The following HCN1 variants were observed in gnomAD, a reference collection of about 807,000 sequenced individuals.
HCN1 encodes potassium/sodium hyperpolarization-activated cyclic nucleotide-gated channel 1.
Under a neutral mutation model 78.9 loss-of-function variants are expected in HCN1, and 13 were observed. The ratio of observed to expected loss-of-function variants is 0.16; its 90% CI spans 0.11 to 0.26. The LOEUF (loss-of-function observed/expected upper bound fraction) is 0.26, where lower values mean the gene tolerates loss of function less well. HCN1 is among the 10% of genes least tolerant of loss of function. The pLI, the probability that HCN1 is intolerant of heterozygous loss-of-function variation, is 1.00. For synonymous variants in HCN1, 552 were observed against 455.5 expected, an observed-to-expected ratio of 1.21 and a Z score of -2.70; for missense variants, 810 against 1,154.3, an observed-to-expected ratio of 0.70 and a Z score of 4.32.
chr5:45,692,693 T>C (rs562354900), intron 1 of HCN1, among the ~76,000 whole-genome samples: 15 of 152,122 alleles, frequency 9.9e-5, no homozygotes, highest in Admixed American at 5.9e-4. Flanking sequence ...AATAGCACTC[T>C]TGGGCTCTGG....
intron 1 of HCN1, among the ~76,000 whole-genome samples, chr5:45,670,016 C>T (rs1746119396): frequency 6.6e-6 from 1 of 151,346 alleles, no homozygotes; most frequent in African/African-American, 2.4e-5. Context: ...TTAGGAAAAA[C>T]CTGATTACAT....
At chr5:45,623,420 T>A (rs563724831) in intron 2 of HCN1, among the ~76,000 whole-genome samples, 1 of 152,278 alleles carries the variant, frequency 6.6e-6, no homozygotes, top group East Asian at 1.9e-4. Flanking sequence ...CTCTGAGACT[T>A]TCATAAATAG....
At chr5:45,314,482 A>G (rs1745933313) in intron 5 of HCN1, among the ~76,000 whole-genome samples, 1 of 152,234 alleles carries the variant, frequency 6.6e-6, no homozygotes, top group Non-Finnish European at 1.5e-5. Context: ...AGCTAACATC[A>G]TAATGACAGG....
rs1484662158 is a variant in HCN1 at position 45,477,404 on chromosome 5, AAATAAT to A, written c.850-15403_850-15398del. ...AAAGTACCTAAAAATGTGCGTTGAGAAATAATAGATAAAAGCCAGTATGAGCACTTT... is the reference window on the plus strand; with the variant it reads ...AAAGTACCTAAAAATGTGCGTTGAGAAGATAAAAGCCAGTATGAGCACTTT... On this transcript the variant is annotated intron_variant, in intron 2 of 7. Coordinates refer to ENST00000303230, the MANE Select transcript of HCN1 (RefSeq NM_021072.4). Among the ~76,000 whole-genome samples the A allele has an allele frequency of 3.3e-5, 5 of 152,140 alleles. 1 individual carries two copies. The highest frequency in any genetic ancestry group is 1.2e-4 in the African/African-American group (5 of 41,448).
chr5:45,383,143 C>G (rs950156814), intron 4 of HCN1, among the ~76,000 whole-genome samples: 2 of 152,070 alleles, frequency 1.3e-5, no homozygotes, highest in African/African-American at 4.8e-5. Flanking sequence ...AGATGCAGAG[C>G]TGGGATTTAA....
chr5:45,555,197 C>T (rs1002834905), intron 2 of HCN1, among the ~76,000 whole-genome samples: 1 of 151,656 alleles, frequency 6.6e-6, no homozygotes, highest in Non-Finnish European at 1.5e-5. Context: ...AGTATAGATG[C>T]AGAATACAAA....
intron 3 of HCN1, among the ~76,000 whole-genome samples, chr5:45,455,320 T>C (rs1243025108): frequency 6.6e-6 from 1 of 152,072 alleles, no homozygotes; most frequent in Non-Finnish European, 1.5e-5. Context: ...AATAGATATG[T>C]CATATAATTT....
At chr5:45,309,682 T>A (rs1745812377) in intron 5 of HCN1, among the ~76,000 whole-genome samples, 1 of 152,214 alleles carries the variant, frequency 6.6e-6, no homozygotes, top group East Asian at 1.9e-4. Flanking sequence ...GATTTGTGTA[T>A]GTTGAACCGA....
chr5:45,327,523 G>A (rs1746259700), intron 5 of HCN1, among the ~76,000 whole-genome samples: 1 of 151,534 alleles, frequency 6.6e-6, no homozygotes, highest in African/African-American at 2.4e-5. Flanking sequence ...TCAGGCAAGA[G>A]TACTAAGATA....
intron 3 of HCN1, among the ~76,000 whole-genome samples, chr5:45,443,195 C>T (rs200784007): frequency 1.4e-4 from 22 of 151,974 alleles, no homozygotes; most frequent in South Asian, 4.2e-4. Flanking sequence ...TAGTATGCTA[C>T]GAAGAGGCAT....
intron 3 of HCN1, among the ~76,000 whole-genome samples, chr5:45,435,803 C>G (rs1198836830): frequency 6.6e-6 from 1 of 152,068 alleles, no homozygotes; most frequent in Non-Finnish European, 1.5e-5. Context: ...AAAAAAGATA[C>G]TAGAGATAAA....
intron 4 of HCN1, among the ~76,000 whole-genome samples, chr5:45,356,452 G>A (rs1747008795): frequency 6.6e-6 from 1 of 151,918 alleles, no homozygotes; most frequent in African/African-American, 2.4e-5. Flanking sequence ...AACACGGCAA[G>A]GATCCAGTTT....
chr5:45,537,331 A>G (rs1742985389), intron 2 of HCN1, among the ~76,000 whole-genome samples: 2 of 151,934 alleles, frequency 1.3e-5, no homozygotes, highest in Non-Finnish European at 2.9e-5. Context: ...TTCATTATTA[A>G]ATATTTTACA....
At chr5:45,497,990 C>T (rs1487776640) in intron 2 of HCN1, among the ~76,000 whole-genome samples, 140 of 151,574 alleles carry the variant, frequency 9.2e-4, no homozygotes, top group African/African-American at 3.1e-3. Flanking sequence ...TGAGGGTAAC[C>T]GGACCTTTCT....
chr5:45,540,398 G>T (rs1234854642), intron 2 of HCN1, among the ~76,000 whole-genome samples: 1 of 151,368 alleles, frequency 6.6e-6, no homozygotes, highest in Non-Finnish European at 1.5e-5. Flanking sequence ...CATGATCATG[G>T]TTCATTGCAG....
chr5:45,647,117 T>A (rs1467066330), intron 1 of HCN1, among the ~76,000 whole-genome samples: 1 of 152,132 alleles, frequency 6.6e-6, no homozygotes, highest in Non-Finnish European at 1.5e-5. Flanking sequence ...CCTCAGGATG[T>A]TGTAAAGGAT....
intron 3 of HCN1, among the ~76,000 whole-genome samples, chr5:45,422,048 A>G (rs1740239544): frequency 6.6e-6 from 1 of 152,192 alleles, no homozygotes; most frequent in African/African-American, 2.4e-5. Flanking sequence ...TTTCTGACCT[A>G]TCTTCCCTGA....
chr5:45,509,079 C>T (rs1447110560), intron 2 of HCN1, among the ~76,000 whole-genome samples: 1 of 152,224 alleles, frequency 6.6e-6, no homozygotes, highest in South Asian at 2.1e-4. Flanking sequence ...TTAAACATGA[C>T]TGATACACAA....
chr5:45,391,544 A>G (rs1175229450), intron 4 of HCN1, among the ~76,000 whole-genome samples: 1 of 152,156 alleles, frequency 6.6e-6, no homozygotes, highest in African/African-American at 2.4e-5. Context: ...CTAGTCATAT[A>G]GCTTAAAAAA....
Sources: gnomAD v4.1 joint callset for allele counts (sites outside exome capture counted in the v4.1 genomes callset) on GRCh38, gnomAD v4.1.1 for gene constraint, MANE v1.5 for transcripts, NCBI Gene and HGNC (gene_info 2026-07-23, HGNC 2026-07-21) for gene names.